Variants in ESPNL observed in about 807,000 individuals in gnomAD.
ESPNL encodes the protein espin-like protein.
A neutral mutation model predicts 46.8 loss-of-function variants in ESPNL; 49 were observed. The ratio of observed to expected loss-of-function variants is 1.05; its 90% CI spans 0.83 to 1.33. The LOEUF is 1.33. Ranked by LOEUF, ESPNL falls within the 40% of genes most tolerant of loss-of-function variation. The pLI is 0.00. For missense variants in ESPNL, 1,540 were observed against 1,436.6 expected (o/e 1.07, Z -1.16); for synonymous variants, 664 against 662.1 (o/e 1.00, Z -0.04).
At chr2:238,119,468 GAAT>G (rs1691932072) in intron 5 of ESPNL, among the ~76,000 whole-genome samples, 1 of 105,420 alleles carries the variant, frequency 9.5e-6, no homozygotes, top group Non-Finnish European at 2.0e-5. Flanking sequence ...GATGAAGGAG[GAAT>G]GGATGGAGGA....
intron 4 of ESPNL, among the ~76,000 whole-genome samples, chr2:238,110,949 C>CTTTTTTTTTTTTTT (rs5839686): frequency 1.4e-4 from 16 of 111,002 alleles, no homozygotes; most frequent in Non-Finnish European, 2.1e-4. Context: ...ATTAGTTATT[C>CTTTTTTTTTTTTTT]TTTTTTTTTT....
chr2:238,101,509 C>T (rs1044975282), intron 1 of ESPNL, among the ~76,000 whole-genome samples: 6 of 152,152 alleles, frequency 3.9e-5, no homozygotes, highest in Non-Finnish European at 8.8e-5. Context: ...GGACCCCTGA[C>T]ACCTGTGGTA....
At chr2:238,126,222 C>CTG (rs56118246) in intron 6 of ESPNL, among the ~76,000 whole-genome samples, 93 of 150,136 alleles carry the variant, frequency 6.2e-4, no homozygotes, top group Non-Finnish European at 1.2e-3. Context: ...GTGATTGTGT[C>CTG]TGTGTCTGTA....
rs777110916 is a variant in ESPNL at position 238,102,004 on chromosome 2, G to A, written c.358G>A (p.Val120Met). The A allele has an allele frequency of 6.2e-7, 1 of 1,610,338 alleles. No individual in the cohort carries two copies. The highest frequency in any genetic ancestry group is 1.1e-5 in the South Asian group (1 of 90,894). Reference protein sequence around the residue: ...LAARFGHPVLVEWLLHEGHSA... With the variant: ...LAARFGHPVLMEWLLHEGHSA... ...CGCCCGTTTTGGACACCCAGTGCTG[G>A]TGGAGTGGCTGCTCCACGAGGGCCA... Residue 120 changes from valine to methionine, a missense_variant, in exon 2 of 9, where the codon GTG becomes ATG. By Grantham distance (21) the Val-to-Met change is conservative. Coordinates refer to ENST00000343063, the MANE Select transcript of ESPNL (RefSeq NM_194312.4).
In ESPNL at chr2:238,128,758, C is replaced by A; in HGVS notation, c.1267C>A (p.Gln423Lys). 6.3e-7 allele frequency: 1 copy of A among 1,598,036 alleles called. No individual in the cohort carries two copies. The highest frequency in any genetic ancestry group is 8.5e-7 in the Non-Finnish European group (1 of 1,173,244). ...GDTSDGLAAL[Q>K]LDGLPSGDID... ...CACCTCAGATGGCCTGGCCGCACTA[C>A]AGCTGGATGGGCTGCCCTCAGGCGA... Residue 423 changes from glutamine to lysine, a missense_variant, in exon 8 of 9, where the codon CAG becomes AAG. Coordinates refer to ENST00000343063, the MANE Select transcript of ESPNL (RefSeq NM_194312.4).
At chr2:238,111,551 T>G (rs866214429) in intron 4 of ESPNL, among the ~76,000 whole-genome samples, 3 of 152,366 alleles carry the variant, frequency 2.0e-5, no homozygotes, top group African/African-American at 7.2e-5. Context: ...TTTATCCGTT[T>G]GTCTCTGGCT....
Position 238,125,261 on chromosome 2 carries a change from C to A in ESPNL, c.988-9C>A. 6.9e-7 allele frequency: 1 copy of A among 1,447,692 alleles called. No individual in the cohort carries two copies. The highest frequency in any genetic ancestry group is 9.3e-7 in the Non-Finnish European group (1 of 1,076,070). 89.7% of individuals were successfully genotyped at this position (1,447,692 alleles called of 1,614,324 possible). A position where few individuals can be genotyped will look rare whatever the true frequency, so the allele number is the denominator to read the frequency against. On this transcript the variant is annotated splice_polypyrimidine_tract_variant and intron_variant, in intron 5 of 8. Transcript: ENST00000343063. The stretch of plus-strand genomic sequence containing the variant: ...GGGTCCCCCACTGACCAGGCCCATT[C>A]ACCCACAGGTGCCCCTGCTGATGAC...
At position 238,100,651 on chromosome 2, in the gene ESPNL, G is replaced by A. The variant is rs1382106433; in HGVS notation, c.232G>A (p.Ala78Thr). 1.3e-5 allele frequency: 19 copies of A among 1,446,744 alleles called. No individual in the cohort carries two copies. The highest frequency in any genetic ancestry group is 2.4e-4 in the Middle Eastern group (1 of 4,182). 89.6% of individuals were successfully genotyped at this position (1,446,744 alleles called of 1,614,324 possible). A position where few individuals can be genotyped will look rare whatever the true frequency, so the allele number is the denominator to read the frequency against. Reference sequence around the variant, plus strand: ...CGGGGCCACCCCAGCGCATGACGCCGCTGCCACGGGCAGCCTGGCCGAGCT... The same window carrying A: ...CGGGGCCACCCCAGCGCATGACGCCACTGCCACGGGCAGCCTGGCCGAGCT... The part of the protein sequence containing the change: ...HNGATPAHDA[A>T]ATGSLAELCW... Residue 78 changes from alanine (A) to threonine (T), a missense_variant, in exon 1 of 9, where the codon GCT (alanine) becomes ACT (threonine). Physicochemically the swap from Ala to Thr is moderately conservative, Grantham distance 58. Transcript: ENST00000343063.
At chr2:238,118,766 TG>T (rs1691893965) in intron 5 of ESPNL, among the ~76,000 whole-genome samples, 1 of 26,056 alleles carries the variant, frequency 3.8e-5, no homozygotes. Context: ...TGGAGGAGGG[TG>T]GATGGAGGAG....
chr2:238,101,371 A>C (rs1243742083), intron 1 of ESPNL, among the ~76,000 whole-genome samples: 7 of 152,172 alleles, frequency 4.6e-5, no homozygotes, highest in African/African-American at 1.7e-4. Flanking sequence ...TCGCCAGAGC[A>C]CCTGAGAGTC....
chr2:238,130,035 CAG>C, intron 8 of ESPNL, 91 bp from the exon 9 acceptor site: 3 of 1,412,216 alleles, frequency 2.1e-6, no homozygotes, highest in Non-Finnish European at 2.9e-6. Context: ...AGAGGCTCTG[CAG>C]AGATACTGAG....
At chr2:238,108,512 G>A (rs952725277) in intron 4 of ESPNL, among the ~76,000 whole-genome samples, 8 of 152,166 alleles carry the variant, frequency 5.3e-5, no homozygotes, top group Non-Finnish European at 1.0e-4. Context: ...CCCACCCGAT[G>A]TCGACCTCAT....
At chr2:238,119,780 C>T (rs967946087) in intron 5 of ESPNL, among the ~76,000 whole-genome samples, 7 of 152,098 alleles carry the variant, frequency 4.6e-5, no homozygotes, top group Non-Finnish European at 8.8e-5. Context: ...CCTCCACCCC[C>T]CAAACCCTTT....
At position 238,130,543 on chromosome 2, in the gene ESPNL, T is replaced by G. The variant is rs1464854482; in HGVS notation, c.1829T>G (p.Val610Gly). 1 of 1,590,640 alleles carries G rather than the reference T, an allele frequency of 6.3e-7. No individual in the cohort carries two copies. Among genetic ancestry groups the G allele is most frequent in the Non-Finnish European group, 8.6e-7 (1 of 1,169,200 alleles). Reference sequence around the variant, plus strand: ...AGCCTGTCCCTGCTGCTGAAGGGCGTGCATGGGCTAGTACAGGGGGATGAG... The same window carrying G: ...AGCCTGTCCCTGCTGCTGAAGGGCGGGCATGGGCTAGTACAGGGGGATGAG... Reference protein sequence around the residue: ...VRSLSLLLKGVHGLVQGDEKP... With the variant: ...VRSLSLLLKGGHGLVQGDEKP... The change falls in exon 9 of 9, where the codon GTG becomes GGG. Residue 610 changes from valine (V) to glycine (G), a missense_variant. Val to Gly is a moderately radical substitution (Grantham distance 109, BLOSUM62 -3). Coordinates refer to ENST00000343063, the MANE Select transcript of ESPNL (RefSeq NM_194312.4).
In ESPNL at chr2:238,114,253, A is replaced by G. The variant is rs1184043095; in HGVS notation, c.856-2650A>G. ...TCCTCCTCCCCATGGCTCTGTTCCT[A>G]TCAGGGCTTTGCCCTCTCTCCCCAG... On this transcript the variant is annotated intron_variant, in intron 4 of 8. Transcript: ENST00000343063. The surrounding 1 kb of genome is among the most constrained non-coding windows in gnomAD (Gnocchi z 5.0). 1.3e-5 allele frequency among the ~76,000 whole-genome samples: 2 copies of G among 151,928 alleles called. No homozygotes were observed. The highest frequency in any genetic ancestry group is 2.1e-4 in the South Asian group (1 of 4,822).
At chr2:238,115,021 T>C (rs1255406284) in intron 4 of ESPNL, among the ~76,000 whole-genome samples, 1 of 152,168 alleles carries the variant, frequency 6.6e-6, no homozygotes, top group Non-Finnish European at 1.5e-5. Flanking sequence ...TGACAAGCCC[T>C]GTGGCTCTGC....
chr2:238,128,839 A>G lies in ESPNL; in HGVS notation c.1348A>G (p.Lys450Glu). ...DERGQPIPEW[K>E]RQVMVRKLQA... ...GCGCGGCCAGCCCATCCCAGAGTGG[A>G]AGCGGCAGGTGATGGTGCGGAAGCT... Residue 450 changes from lysine (K) to glutamate (E), a missense_variant, in exon 8 of 9, where the codon AAG (lysine) becomes GAG (glutamate). Transcript: ENST00000343063. 5 of 1,549,452 alleles carry G rather than the reference A, an allele frequency of 3.2e-6. No individual in the cohort carries two copies. The highest frequency in any genetic ancestry group is 4.4e-6 in the Non-Finnish European group (5 of 1,147,138).
At position 238,130,262 on chromosome 2, in the gene ESPNL, C is replaced by A; in HGVS notation, c.1548C>A (p.Asp516Glu). ...DLVYLEKQIA[D>E]LQLRRRCQEY... ...TCTACCTGGAGAAGCAGATTGCAGA[C>A]CTGCAGCTTCGGCGCCGCTGTCAGG... Residue 516 changes from aspartate (D) to glutamate (E), a missense_variant, in exon 9 of 9, where the codon GAC becomes GAA. Transcript: ENST00000343063. The A allele has an allele frequency of 6.2e-7, 1 of 1,609,514 alleles. No homozygotes were observed. Among genetic ancestry groups the A allele is most frequent in the Non-Finnish European group, 8.5e-7 (1 of 1,178,526 alleles).
Position 238,101,998 on chromosome 2 carries a change from G to C in ESPNL, c.352G>C (p.Val118Leu). ...LHLAARFGHPVLVEWLLHEGH... is the reference protein window; with the variant it reads ...LHLAARFGHPLLVEWLLHEGH... Reference sequence around the variant, plus strand: ...CCTGGCCGCCCGTTTTGGACACCCAGTGCTGGTGGAGTGGCTGCTCCACGA... The same window carrying C: ...CCTGGCCGCCCGTTTTGGACACCCACTGCTGGTGGAGTGGCTGCTCCACGA... Residue 118 changes from valine (V) to leucine (L), a missense_variant, in exon 2 of 9, where the codon GTG becomes CTG. Physicochemically the swap from Val to Leu is conservative, Grantham distance 32. Coordinates refer to ENST00000343063, the MANE Select transcript of ESPNL (RefSeq NM_194312.4). 6 of 1,610,540 alleles carry C rather than the reference G, an allele frequency of 3.7e-6. No homozygotes were observed. Among genetic ancestry groups the C allele is most frequent in the Non-Finnish European group, 5.1e-6 (6 of 1,179,658 alleles).
Sources: allele counts gnomAD v4.1 joint callset (sites outside exome capture counted in the v4.1 genomes callset), GRCh38; gene constraint gnomAD v4.1.1; non-coding constraint Gnocchi (gnomAD v3.1); transcripts MANE v1.5; gene names NCBI Gene and HGNC (gene_info 2026-07-23, HGNC 2026-07-21).